The following CCDC171 variants were observed in gnomAD, a reference collection of about 807,000 sequenced individuals.
CCDC171 encodes coiled-coil domain containing 171.
In CCDC171, 177 loss-of-function variants were observed where a neutral mutation model predicts 168.2. The ratio of observed to expected loss-of-function variants is 1.05; its 90% confidence interval spans 0.93 to 1.19. The LOEUF is 1.19. Ranked by LOEUF, CCDC171 falls within the 50% of genes most tolerant of loss-of-function variation. The pLI is 0.00. For missense variants in CCDC171, 1,991 were observed against 1,539.0 expected, an observed-to-expected ratio of 1.29 and a Z score of -4.91; for synonymous variants, 687 against 540.8, an observed-to-expected ratio of 1.27 and a Z score of -3.75.
At chr9:15,832,981 CTTTTTTTTTTTTT>C (rs71325937) in intron 21 of CCDC171, among the ~76,000 whole-genome samples, 2 of 69,438 alleles carry the variant, frequency 2.9e-5, no homozygotes, top group Non-Finnish European at 5.3e-5. Flanking sequence ...TCATTATAAT[CTTTTTTTTTTTTT>C]TTTTTTTTTT....
rs554516369 is a variant in CCDC171 at position 15,805,337 on chromosome 9, G to A, written c.3267+20643G>A. Among the ~76,000 whole-genome samples, 18 of 152,142 alleles carry A rather than the reference G, an allele frequency of 1.2e-4. No homozygotes were observed. The East Asian group carries it at 3.5e-3, about 29-fold the overall frequency. On this transcript the variant is annotated intron_variant, in intron 21 of 25. Transcript: ENST00000380701. ...CAAGTCCTTTTAGTTGTGATGTTAG[G>A]TTGTTGACTCGAGACCTTTGTAGCT...
chr9:15,577,083 C>G (rs2040730037), intron 3 of CCDC171, among the ~76,000 whole-genome samples: 1 of 152,162 alleles, frequency 6.6e-6, no homozygotes, highest in South Asian at 2.1e-4. Flanking sequence ...TACTTAATAT[C>G]CAGCTGATAG....
intron 1 of CCDC171, among the ~76,000 whole-genome samples, chr9:15,556,548 A>G (rs146119255): frequency 1.3e-4 from 20 of 152,218 alleles, no homozygotes; most frequent in African/African-American, 3.6e-4. Flanking sequence ...CTTTTGAGAA[A>G]TGTCTGTTCA....
rs780066870 is a variant in CCDC171 at position 15,564,044 on chromosome 9, G to A, written c.-45G>A. On this transcript the variant is annotated 5_prime_UTR_variant, in exon 2 of 26. An upstream start codon of the reference 5' UTR is lost. Transcript: ENST00000380701. ...ATTTTAATCATCAAGAAAGAAATAT[G>A]TCATTAAGAAATAGCAGGGTATTTT... 6 of 1,474,742 alleles carry A rather than the reference G, an allele frequency of 4.1e-6. No homozygotes were observed. Among genetic ancestry groups the A allele is most frequent in the Non-Finnish European group, 5.7e-6 (6 of 1,061,310 alleles). 91.4% of individuals were successfully genotyped at this position (1,474,742 alleles called of 1,614,324 possible). A position where few individuals can be genotyped will look rare whatever the true frequency, so the allele number is the denominator to read the frequency against.
chr9:15,555,050 C>T (rs1315629430), intron 1 of CCDC171, among the ~76,000 whole-genome samples: 1 of 152,134 alleles, frequency 6.6e-6, no homozygotes, highest in Non-Finnish European at 1.5e-5. Context: ...CTGAAGGACT[C>T]AGATGTAAGG....
chr9:15,884,214 T>C (rs1373314051), intron 24 of CCDC171, among the ~76,000 whole-genome samples: 2 of 152,178 alleles, frequency 1.3e-5, no homozygotes, highest in East Asian at 1.9e-4. Context: ...GTCAGTTTCC[T>C]CATCAGTAAA....
At chr9:15,687,261 G>A (rs946694415) in intron 10 of CCDC171, among the ~76,000 whole-genome samples, 2 of 152,076 alleles carry the variant, frequency 1.3e-5, no homozygotes, top group Non-Finnish European at 2.9e-5. Context: ...CTAACACTAT[G>A]CTTAAGAGGG....
chr9:15,646,226 T>A (rs919292010), intron 7 of CCDC171, among the ~76,000 whole-genome samples: 1 of 152,100 alleles, frequency 6.6e-6, no homozygotes, highest in Non-Finnish European at 1.5e-5. Context: ...CAGGCCTGCC[T>A]TACAAGAGCT....
chr9:15,629,700 A>G (rs2045509271), intron 7 of CCDC171, among the ~76,000 whole-genome samples: 1 of 152,190 alleles, frequency 6.6e-6, no homozygotes, highest in Non-Finnish European at 1.5e-5. Flanking sequence ...CCCCTCAAGA[A>G]GAGCAACTCT....
Position 15,874,548 on chromosome 9 carries a change from C to G in CCDC171, c.3485C>G (p.Ser1162Trp), listed in dbSNP as rs199954034. 6.2e-7 allele frequency: 1 copy of G among 1,603,622 alleles called. No homozygotes were observed. The highest frequency in any genetic ancestry group is 1.1e-5 in the South Asian group (1 of 89,190). The stretch of plus-strand genomic sequence containing the variant: ...TCCCTTTAGGTCAGAGATCAGATCT[C>G]GCTGTCATGGTCTGCGGCAAGTAGG... Reference protein sequence around the residue: ...NTLHKVRDQISLSWSAASRND... With the variant: ...NTLHKVRDQIWLSWSAASRND... The change falls in exon 24 of 26, where the codon TCG becomes TGG. Residue 1162 changes from serine to tryptophan, a missense_variant. Transcript: ENST00000380701.
chr9:15,766,139 T>C (rs1408855866), intron 18 of CCDC171, among the ~76,000 whole-genome samples: 2 of 152,132 alleles, frequency 1.3e-5, no homozygotes, highest in African/African-American at 4.8e-5. Flanking sequence ...ACCCATTACA[T>C]GCACAGCATT....
intron 3 of CCDC171, among the ~76,000 whole-genome samples, chr9:16,006,656 C>G (rs556197935): frequency 1.3e-5 from 2 of 151,514 alleles, no homozygotes; most frequent in Non-Finnish European, 2.9e-5. Flanking sequence ...TGTTCAATTC[C>G]TACCTATGAG....
chr9:16,036,203 C>G (rs1029545638), exon 8 of CCDC171: 1 of 152,166 alleles, frequency 6.6e-6, no homozygotes, highest in African/African-American at 2.4e-5. Context: ...ATTCCTGGCC[C>G]AAGGTGAGAA....
the CCDC171 span, among the ~76,000 whole-genome samples, chr9:16,075,875 C>CAGCAT: frequency 0.017 from 2,532 of 152,184 alleles, 61 homozygotes; most frequent in African/African-American, 0.056. Flanking sequence ...CAGCACAGCA[C>CAGCAT]AGCATAGCAT....
chr9:15,622,790 C>T (rs2044606164), intron 6 of CCDC171, among the ~76,000 whole-genome samples: 1 of 152,064 alleles, frequency 6.6e-6, no homozygotes, highest in Non-Finnish European at 1.5e-5. Flanking sequence ...TGAAACACAG[C>T]CATCTAGTGG....
the CCDC171 span, among the ~76,000 whole-genome samples, chr9:16,095,502 C>T: frequency 7.5e-5 from 11 of 147,606 alleles, no homozygotes; most frequent in South Asian, 4.2e-4. Flanking sequence ...TCTCTCTTTC[C>T]GTCTCTGTCT....
rs191996044 is a variant in CCDC171, at chr9:15,589,017, T to G, written c.353-2349T>G. On this transcript the variant is annotated intron_variant, in intron 4 of 25. Transcript: ENST00000380701. ...GAGCCACCGCACCCAGCCGTGTTTT[T>G]TTTTTAGAGCTATGTTGTTGCCCCA... 7.7e-4 allele frequency among the ~76,000 whole-genome samples: 117 copies of G among 152,258 alleles called. 1 individual carries two copies. The highest frequency in any genetic ancestry group is 1.4e-3 in the Non-Finnish European group (95 of 68,012).
intron 25 of CCDC171, among the ~76,000 whole-genome samples, chr9:15,929,490 G>A (rs1826254817): frequency 1.3e-5 from 2 of 151,612 alleles, no homozygotes; most frequent in Admixed American, 6.6e-5. Context: ...TGCATTGCTT[G>A]TCTCTGAAAT....
intron 3 of CCDC171, among the ~76,000 whole-genome samples, chr9:15,993,033 A>G (rs1244326619): frequency 6.6e-6 from 1 of 152,248 alleles, no homozygotes; most frequent in Non-Finnish European, 1.5e-5. Flanking sequence ...GGTAATTTAT[A>G]GATTCAGTGC....
Sources: allele counts gnomAD v4.1 joint callset (sites outside exome capture counted in the v4.1 genomes callset), GRCh38; gene constraint gnomAD v4.1.1; transcripts MANE v1.5; gene names NCBI Gene and HGNC (gene_info 2026-07-23, HGNC 2026-07-21).